The following RALGAPA2 variants were observed in gnomAD, a reference collection of about 807,000 sequenced individuals.
RALGAPA2 encodes the protein Ral GTPase activating protein catalytic subunit alpha 2, also known as ral GTPase-activating protein subunit alpha-2.
In RALGAPA2, 139 loss-of-function variants were observed where a neutral mutation model predicts 230.4. That is an observed-to-expected ratio of 0.60 (90% CI 0.53 to 0.69). RALGAPA2 has a LOEUF of 0.69. Among genes scored for constraint, RALGAPA2 ranks in the 30% least tolerant of loss-of-function variants. The pLI is 0.00. For synonymous variants in RALGAPA2, 847 were observed against 837.8 expected, an observed-to-expected ratio of 1.01 and a Z score of -0.19; for missense variants, 2,163 against 2,276.0, an observed-to-expected ratio of 0.95 and a Z score of 1.01.
intron 3 of RALGAPA2, among the ~76,000 whole-genome samples, chr20:20,660,117 G>A (rs916699763): frequency 6.6e-6 from 1 of 151,860 alleles, no homozygotes; most frequent in South Asian, 2.1e-4. Flanking sequence ...CCGTGATGGC[G>A]CACACCTGTA....
At chr20:20,409,489 T>C (rs1054132397) in intron 38 of RALGAPA2, among the ~76,000 whole-genome samples, 33 of 152,156 alleles carry the variant, frequency 2.2e-4, no homozygotes, top group South Asian at 1.0e-3. Context: ...GGGCCAGAGA[T>C]GGTCTGATTG....
chr20:20,547,415 G>C (rs1361501431), intron 23 of RALGAPA2, among the ~76,000 whole-genome samples: 1 of 152,222 alleles, frequency 6.6e-6, no homozygotes, highest in East Asian at 1.9e-4. Context: ...AAGTGCAACA[G>C]TAGCCTTTTG....
chr20:20,468,905 G>A (rs973659947), intron 37 of RALGAPA2, among the ~76,000 whole-genome samples: 6 of 151,784 alleles, frequency 4.0e-5, no homozygotes, highest in South Asian at 2.1e-4. Context: ...TCAGAACCCC[G>A]TCCATGGCCC....
At chr20:20,545,742 G>A (rs2145705582) in intron 24 of RALGAPA2, among the ~76,000 whole-genome samples, 1 of 152,286 alleles carries the variant, frequency 6.6e-6, no homozygotes, top group East Asian at 1.9e-4. Flanking sequence ...AACTTTAAAT[G>A]TATAACAGTA....
At position 20,480,184 on chromosome 20, in the gene RALGAPA2, T is replaced by C. The variant is rs908845162; in HGVS notation, c.5368-7228A>G. On this transcript the variant is annotated intron_variant, in intron 36 of 39. Transcript: ENST00000202677. ...CTATGGATTTAATGCATGGCATGTA[T>C]GTATCTTGACTAGCTGATTCTAAGA... Among the ~76,000 whole-genome samples the C allele has an allele frequency of 2.6e-5, 4 of 152,370 alleles. No individual in the cohort carries two copies. The South Asian group carries it at 6.2e-4, about 24-fold the overall frequency.
chr20:20,707,019 A>C (rs2069635548), intron 1 of RALGAPA2, among the ~76,000 whole-genome samples: 1 of 152,144 alleles, frequency 6.6e-6, no homozygotes, highest in Non-Finnish European at 1.5e-5. Flanking sequence ...ACAACCCCCC[A>C]GACACGCCAC....
In RALGAPA2 at chr20:20,512,772, C is replaced by G. The variant is rs1322625682; in HGVS notation, c.4597G>C (p.Glu1533Gln). ...LLENIGHTSPECLLPSQLNLN... is the reference protein window; with the variant it reads ...LLENIGHTSPQCLLPSQLNLN... ...TTTAGCTGTGACGGTAAAAGGCATTCAGGACTTGTATGGCCAATGTTTTCA... is the reference window on the plus strand; with the variant it reads ...TTTAGCTGTGACGGTAAAAGGCATTGAGGACTTGTATGGCCAATGTTTTCA... Residue 1533 changes from glutamate (E) to glutamine (Q), a missense_variant, in exon 32 of 40, where the codon GAA (glutamate) becomes CAA (glutamine). Physicochemically the swap from Glu to Gln is conservative, Grantham distance 29. Coordinates refer to ENST00000202677, the MANE Select transcript of RALGAPA2 (RefSeq NM_020343.4). The G allele has an allele frequency of 6.2e-7, 1 of 1,613,850 alleles. No homozygotes were observed. Among genetic ancestry groups the G allele is most frequent in the Non-Finnish European group, 8.5e-7 (1 of 1,179,768 alleles).
chr20:20,480,927 C>T (rs995791050), intron 36 of RALGAPA2, among the ~76,000 whole-genome samples: 4 of 152,198 alleles, frequency 2.6e-5, no homozygotes, highest in Non-Finnish European at 5.9e-5. Context: ...TGACTGCTGA[C>T]AAACTGGATT....
At chr20:20,536,037 C>T (rs569484281) in intron 25 of RALGAPA2, among the ~76,000 whole-genome samples, 7 of 152,216 alleles carry the variant, frequency 4.6e-5, no homozygotes, top group South Asian at 2.1e-4. Flanking sequence ...GGGAGTAGAG[C>T]GCTTCTGGTA....
intron 5 of RALGAPA2, among the ~76,000 whole-genome samples, chr20:20,641,180 A>G (rs2067019331): frequency 6.6e-6 from 1 of 152,200 alleles, no homozygotes; most frequent in Non-Finnish European, 1.5e-5. Flanking sequence ...AATAAGGATG[A>G]TAAGACATTT....
Position 20,637,485 on chromosome 20 carries a change from C to A in RALGAPA2, c.683G>T (p.Trp228Leu). 1 of 1,567,188 alleles carries A rather than the reference C, an allele frequency of 6.4e-7. No individual in the cohort carries two copies. The change falls in exon 8 of 40, where the codon TGG (tryptophan) becomes TTG (leucine). Residue 228 changes from tryptophan to leucine, a missense_variant. By Grantham distance (61) the Trp-to-Leu change is moderately conservative. Transcript: ENST00000202677. ...AGTATCTTGATTCTCCTTATTCTTC[C>A]ACTCCAAGCTCGCAGCCTTTGGATA... Reference protein sequence around the residue: ...YMVIQAASLEWKNKENQDTGF... With the variant: ...YMVIQAASLELKNKENQDTGF...
At chr20:20,411,986 G>A (rs2060069637) in intron 38 of RALGAPA2, 41 bp downstream of exon 38, 4 of 1,609,026 alleles carry the variant, frequency 2.5e-6, no homozygotes, top group Non-Finnish European at 3.4e-6. Context: ...CTGCTCGAAT[G>A]CGTCTTAAGC....
chr20:20,515,884 G>A (rs990929121), intron 31 of RALGAPA2, among the ~76,000 whole-genome samples: 5 of 152,088 alleles, frequency 3.3e-5, no homozygotes, highest in African/African-American at 9.7e-5. Context: ...AGACACATCT[G>A]CCTCATGGGC....
intron 12 of RALGAPA2, among the ~76,000 whole-genome samples, chr20:20,616,594 T>C (rs993071257): frequency 2.6e-5 from 4 of 152,022 alleles, no homozygotes; most frequent in Admixed American, 6.6e-5. Context: ...GAGTAGAGGA[T>C]AGATGGCCAG....
At chr20:20,445,479 G>T (rs562068327) in intron 37 of RALGAPA2, among the ~76,000 whole-genome samples, 44 of 152,166 alleles carry the variant, frequency 2.9e-4, no homozygotes, top group Admixed American at 4.6e-4. Context: ...ATCTAATCTG[G>T]CCTTTGGCTC....
chr20:20,658,886 T>C (rs1476424056), intron 3 of RALGAPA2, among the ~76,000 whole-genome samples: 1 of 152,222 alleles, frequency 6.6e-6, no homozygotes. Flanking sequence ...TGATTTCAAT[T>C]CCACTTAGAA....
In RALGAPA2 at chr20:20,712,515, C is replaced by T; in HGVS notation, c.-35G>A. ...GGAAGCCCGGGCCCCGCCGGCGGGG[C>T]AGTAGGCGCCTGCGCCACGCGAATC... is the stretch of plus-strand genomic sequence containing the variant. On this transcript the variant is annotated 5_prime_UTR_variant, in exon 1 of 40. Transcript: ENST00000202677. The surrounding 1 kb of genome is among the most constrained non-coding windows in gnomAD (Gnocchi z 5.5). The T allele has an allele frequency of 6.5e-7, 1 of 1,531,800 alleles. No homozygotes were observed. Among genetic ancestry groups the T allele is most frequent in the Non-Finnish European group, 8.8e-7 (1 of 1,139,144 alleles). The allele number at this position is 1,531,800 out of a possible 1,614,324, so 94.9% of individuals were successfully genotyped here. A position where few individuals can be genotyped will look rare whatever the true frequency, so the allele number is the denominator to read the frequency against.
chr20:20,545,626 CA>C (rs1568562073), intron 24 of RALGAPA2, among the ~76,000 whole-genome samples: 2 of 152,100 alleles, frequency 1.3e-5, no homozygotes, highest in African/African-American at 4.8e-5. Context: ...ATTTCGACAC[CA>C]ATGCTTAGCA....
chr20:20,710,215 T>C (rs560489726), intron 1 of RALGAPA2, among the ~76,000 whole-genome samples: 8 of 152,236 alleles, frequency 5.3e-5, no homozygotes, highest in African/African-American at 1.7e-4. Context: ...AAAAGTGTTA[T>C]ATAAATACAC....
Sources: allele counts gnomAD v4.1 joint callset (sites outside exome capture counted in the v4.1 genomes callset), GRCh38; gene constraint gnomAD v4.1.1; non-coding constraint Gnocchi (gnomAD v3.1); transcripts MANE v1.5; gene names NCBI Gene and HGNC (gene_info 2026-07-23, HGNC 2026-07-21).